The following FADS2 variants were observed in gnomAD, a reference collection of about 807,000 sequenced individuals.
FADS2 encodes fatty acid desaturase 2.
FADS2 carries 18 observed loss-of-function variants against 61.2 expected under a neutral mutation model. That is an observed-to-expected ratio of 0.29 (90% CI 0.20 to 0.44). The LOEUF is 0.44. FADS2 is among the 20% of genes least tolerant of loss of function. The probability of loss-of-function intolerance (pLI) is 1.00; values close to 1 mark genes in which losing one functional copy is unlikely to be tolerated. For synonymous variants in FADS2, 203 were observed against 223.9 expected, an observed-to-expected ratio of 0.91 and a Z score of 0.83; for missense variants, 322 against 572.7, an observed-to-expected ratio of 0.56 and a Z score of 4.47.
intron 4 of FADS2, among the ~76,000 whole-genome samples, chr11:61,842,111 C>T (rs1002966819): frequency 6.6e-6 from 1 of 152,238 alleles, no homozygotes; most frequent in African/African-American, 2.4e-5. Context: ...CATCCCTCCA[C>T]ACCCTGGCAA....
chr11:61,819,541 A>G lies in FADS2; in HGVS notation c.141+3115A>G, dbSNP rs74537859. Among the ~76,000 whole-genome samples, 212 of 152,340 alleles carry G rather than the reference A, an allele frequency of 1.4e-3. 1 individual carries two copies. The highest frequency in any genetic ancestry group is 4.5e-3 in the African/African-American group (189 of 41,586). On this transcript the variant is annotated intron_variant, in intron 1 of 11. Coordinates refer to the FADS2 transcript ENST00000257261. ...AGCCTGGGCAACAAAGCAAGATTCTATATCCACACACAAAAAAAGAAAACT... is the reference window on the plus strand; with the variant it reads ...AGCCTGGGCAACAAAGCAAGATTCTGTATCCACACACAAAAAAAGAAAACT...
chr11:61,859,662 T>A (rs537740548), intron 7 of FADS2, among the ~76,000 whole-genome samples: 48 of 152,320 alleles, frequency 3.2e-4, no homozygotes, highest in African/African-American at 1.1e-3. Flanking sequence ...ACCCTCTCCT[T>A]GCCTCTAGCA....
chr11:61,817,712 T>A (rs900181314), intron 1 of FADS2, among the ~76,000 whole-genome samples: 4 of 152,176 alleles, frequency 2.6e-5, no homozygotes, highest in African/African-American at 9.7e-5. Context: ...GATTTGGCAT[T>A]TAGATCTCTG....
intron 7 of FADS2, chr11:61,861,850 T>C (rs174618): frequency 0.45 from 67,848 of 152,188 alleles, 16,247 homozygotes; most frequent in African/African-American, 0.57. Context: ...TCCTTGTCAG[T>C]GCCGTGGGTT....
chr11:61,825,731 A>C (rs2067079455), upstream of FADS2, among the ~76,000 whole-genome samples: 1 of 151,778 alleles, frequency 6.6e-6, no homozygotes. Flanking sequence ...TCTCTACTAA[A>C]AATACAAAAA....
At chr11:61,817,529 T>C (rs1164245274) in intron 1 of FADS2, among the ~76,000 whole-genome samples, 1 of 152,236 alleles carries the variant, frequency 6.6e-6, no homozygotes, top group Non-Finnish European at 1.5e-5. Flanking sequence ...TTTGCCTCTT[T>C]TTGTTTTTAT....
At chr11:61,858,990 C>A (rs1399359344) in intron 7 of FADS2, among the ~76,000 whole-genome samples, 2 of 152,230 alleles carry the variant, frequency 1.3e-5, no homozygotes, top group African/African-American at 4.8e-5. Flanking sequence ...ATGCTCCAAC[C>A]AATAGCCATG....
chr11:61,850,616 C>CT (rs147128667), intron 5 of FADS2, among the ~76,000 whole-genome samples: 11,965 of 151,584 alleles, frequency 0.079, 727 homozygotes, highest in African/African-American at 0.15. Context: ...TTAATACATT[C>CT]TTTTTTTTTA....
At chr11:61,816,217 C>T, upstream of FADS2, 1 of 1,576,298 alleles carries the variant, frequency 6.3e-7, no homozygotes. The surrounding 1 kb of genome is among the most constrained non-coding windows in gnomAD (Gnocchi z 7.0). Context: ...TTGCTCTCCT[C>T]CCTCCTAGCC....
chr11:61,836,689 C>T (rs2067177510), intron 1 of FADS2, among the ~76,000 whole-genome samples: 1 of 152,206 alleles, frequency 6.6e-6, no homozygotes, highest in Non-Finnish European at 1.5e-5. Flanking sequence ...GTTTTTATAT[C>T]ATTTTAGTCT....
At chr11:61,826,218 G>A, upstream of FADS2, 1 of 702,412 alleles carries the variant, frequency 1.4e-6, no homozygotes, top group Non-Finnish European at 2.6e-6. Flanking sequence ...CGGCCTCATT[G>A]GAGCCATTCT....
chr11:61,828,237 G>A (rs1280725011), upstream of FADS2: 5 of 1,436,812 alleles, frequency 3.5e-6, no homozygotes, highest in Non-Finnish European at 4.5e-6. The surrounding 1 kb of genome is among the most constrained non-coding windows in gnomAD (Gnocchi z 6.4). Flanking sequence ...GAGAAGGCTG[G>A]GGGAGGGGGC....
intron 5 of FADS2, among the ~76,000 whole-genome samples, chr11:61,852,863 G>A (rs187708256): frequency 4.6e-5 from 7 of 152,104 alleles, no homozygotes; most frequent in Admixed American, 1.3e-4. Context: ...TAATGAAAAC[G>A]TAGTCTCTCG....
intron 1 of FADS2, among the ~76,000 whole-genome samples, chr11:61,835,075 G>A (rs796437152): frequency 2.1e-4 from 30 of 143,520 alleles, no homozygotes; most frequent in African/African-American, 7.7e-4. Context: ...ACTTCTCCCT[G>A]CCTCCCCAGG....
chr11:61,850,835 G>A (rs574813585), intron 5 of FADS2, among the ~76,000 whole-genome samples: 2 of 152,230 alleles, frequency 1.3e-5, no homozygotes, highest in African/African-American at 2.4e-5. Context: ...GAGTGGCACC[G>A]TGAGTGAAGT....
chr11:61,817,182 C>G, intron 1 of FADS2: 8 of 138,972 alleles, frequency 5.8e-5, no homozygotes, highest in Non-Finnish European at 1.1e-4. Flanking sequence ...GCCAGGGCTG[C>G]GGGGTGGCCG....
At chr11:61,817,929 A>G (rs2067001495) in intron 1 of FADS2, among the ~76,000 whole-genome samples, 1 of 152,238 alleles carries the variant, frequency 6.6e-6, no homozygotes, top group South Asian at 2.1e-4. Flanking sequence ...AGGTTGGAAC[A>G]ATTAACCTAA....
At chr11:61,830,097 C>T (rs946738229) in intron 1 of FADS2, among the ~76,000 whole-genome samples, 1 of 152,216 alleles carries the variant, frequency 6.6e-6, no homozygotes, top group African/African-American at 2.4e-5. Flanking sequence ...TCACCTGGAC[C>T]TTTACGCGGC....
chr11:61,821,821 A>G (rs2067038334), intron 1 of FADS2, among the ~76,000 whole-genome samples: 2 of 152,256 alleles, frequency 1.3e-5, no homozygotes, highest in South Asian at 4.1e-4. Context: ...ATAGTGCTTA[A>G]ACTAAAGGGA....
Sources: allele counts gnomAD v4.1 joint callset (sites outside exome capture counted in the v4.1 genomes callset), GRCh38; gene constraint gnomAD v4.1.1; non-coding constraint Gnocchi (gnomAD v3.1); transcripts MANE v1.5; gene names NCBI Gene and HGNC (gene_info 2026-07-23, HGNC 2026-07-21).